The following TTC27 variants were observed in gnomAD, a reference collection of about 807,000 sequenced individuals.
TTC27 encodes the protein tetratricopeptide repeat protein 27.
A neutral mutation model predicts 115.9 loss-of-function variants in TTC27; 79 were observed. The ratio of observed to expected loss-of-function variants is 0.68; its 90% CI spans 0.57 to 0.82. The LOEUF is 0.82. TTC27 is among the 40% of genes least tolerant of loss of function. The probability of loss-of-function intolerance (pLI) is 0.00; values close to 1 mark genes in which losing one functional copy is unlikely to be tolerated. For missense variants in TTC27, 1,054 were observed against 993.1 expected (o/e 1.06, Z -0.82); for synonymous variants, 401 against 356.0 (o/e 1.13, Z -1.42).
intron 16 of TTC27, among the ~76,000 whole-genome samples, chr2:32,794,194 T>C (rs1670627906): frequency 2.0e-5 from 3 of 152,154 alleles, no homozygotes; most frequent in African/African-American, 4.8e-5. Context: ...AGAGACAATA[T>C]GATAGATCGC....
intron 3 of TTC27, 40 bp downstream of exon 3, chr2:32,634,045 T>C: frequency 1.3e-6 from 2 of 1,572,908 alleles, no homozygotes; most frequent in Non-Finnish European, 8.6e-7. Context: ...TATTATTATG[T>C]TATTTATTTT....
chr2:32,678,855 G>A lies in TTC27; in HGVS notation c.1053-1G>A, dbSNP rs1666320848. The A allele has an allele frequency of 6.2e-7, 1 of 1,604,674 alleles. No individual in the cohort carries two copies. The highest frequency in any genetic ancestry group is 8.5e-7 in the Non-Finnish European group (1 of 1,175,100). On this transcript the variant is annotated splice_acceptor_variant, in intron 8 of 19. Transcript: ENST00000317907. LOFTEE classifies it high-confidence loss of function. The stretch of plus-strand genomic sequence containing the variant: ...ATTTACCTTTTTTTCTTAATTTAAA[G>A]CACTAATTTTCAAAAGAATAACCCA...
chr2:32,695,615 A>G (rs1382917791), intron 9 of TTC27, among the ~76,000 whole-genome samples: 1 of 147,052 alleles, frequency 6.8e-6, no homozygotes, highest in Non-Finnish European at 1.5e-5. Context: ...GCTACTCGGG[A>G]GGCTGAGACA....
In TTC27 at chr2:32,763,118, G is replaced by T. The variant is rs1470121807; in HGVS notation, c.1680+4599G>T. On this transcript the variant is annotated intron_variant, in intron 13 of 19. Coordinates refer to ENST00000317907, the MANE Select transcript of TTC27 (RefSeq NM_017735.5). ...GACAATTGCTCAAAGCAGAGTCACA[G>T]TATAAACAGATGTTATGTGAAAATA... 4.6e-5 allele frequency among the ~76,000 whole-genome samples: 7 copies of T among 152,334 alleles called. No homozygotes were observed. The East Asian group carries it at 1.3e-3, about 29-fold the overall frequency.
At position 32,817,454 on chromosome 2, in the gene TTC27, C is replaced by CATA. The variant is rs1294402360; in HGVS notation, c.2309-2_2309-1insTAA. On this transcript the variant is annotated splice_region_variant and splice_polypyrimidine_tract_variant and intron_variant, in intron 18 of 19. Coordinates refer to ENST00000317907, the MANE Select transcript of TTC27 (RefSeq NM_017735.5). Reference sequence around the variant, plus strand: ...GATGTTTCTCTCCATACTTATCTTCCAGTGGCCATAAAATGCAGTAAAAAC... The same window carrying CATA: ...GATGTTTCTCTCCATACTTATCTTCCATAAGTGGCCATAAAATGCAGTAAAAAC... 7 of 1,612,116 alleles carry CATA rather than the reference C, an allele frequency of 4.3e-6. No individual in the cohort carries two copies. Among genetic ancestry groups the CATA allele is most frequent in the Non-Finnish European group, 5.9e-6 (7 of 1,178,368 alleles).
At chr2:32,814,831 C>T (rs1049350013) in intron 18 of TTC27, among the ~76,000 whole-genome samples, 1 of 152,156 alleles carries the variant, frequency 6.6e-6, no homozygotes, top group Non-Finnish European at 1.5e-5. Flanking sequence ...TGTGTAAGTA[C>T]ACCCTATGAT....
At chr2:32,674,812 A>G (rs1666139656) in intron 8 of TTC27, among the ~76,000 whole-genome samples, 1 of 151,776 alleles carries the variant, frequency 6.6e-6, no homozygotes. Flanking sequence ...GGCGCCCACC[A>G]CCACAGCTGG....
intron 10 of TTC27, among the ~76,000 whole-genome samples, chr2:32,731,949 G>T (rs1432593465): frequency 6.6e-6 from 1 of 152,158 alleles, no homozygotes; most frequent in Non-Finnish European, 1.5e-5. Context: ...CAACAACCAT[G>T]AGTTTTTTGA....
chr2:32,802,360 T>A (rs1180980340), intron 16 of TTC27, among the ~76,000 whole-genome samples: 12 of 152,234 alleles, frequency 7.9e-5, no homozygotes, highest in Admixed American at 7.8e-4. Context: ...ACCTAGTTTT[T>A]AAAAGTTACC....
chr2:32,755,267 C>T (rs1161420890), intron 12 of TTC27, among the ~76,000 whole-genome samples: 10 of 152,164 alleles, frequency 6.6e-5, no homozygotes, highest in Admixed American at 5.2e-4. Flanking sequence ...GCCAAGATCA[C>T]GCCACTGCAC....
At chr2:32,666,542 T>C (rs1665782738) in intron 6 of TTC27, 93 bp from the exon 7 acceptor site, 1 of 1,312,280 alleles carries the variant, frequency 7.6e-7, no homozygotes, top group South Asian at 2.0e-5. Flanking sequence ...AAATACCTTG[T>C]AAACTCTAAA....
At chr2:32,706,127 G>A (rs978059679) in intron 10 of TTC27, among the ~76,000 whole-genome samples, 6 of 109,758 alleles carry the variant, frequency 5.5e-5, no homozygotes, top group African/African-American at 2.1e-4. Context: ...TTGTCACCCA[G>A]ACTGGAGTGC....
At chr2:32,659,709 C>T (rs985702612) in intron 5 of TTC27, among the ~76,000 whole-genome samples, 4 of 152,074 alleles carry the variant, frequency 2.6e-5, no homozygotes, top group Non-Finnish European at 5.9e-5. Context: ...TGTTCTCCTC[C>T]CTGTGTCCAT....
At chr2:32,814,755 G>A (rs1236108581) in intron 18 of TTC27, among the ~76,000 whole-genome samples, 2 of 152,186 alleles carry the variant, frequency 1.3e-5, no homozygotes, top group African/African-American at 4.8e-5. Context: ...GTACAGGGTT[G>A]TAGCCTAGGA....
chr2:32,734,515 C>T (rs556628685), intron 11 of TTC27, among the ~76,000 whole-genome samples: 10 of 152,342 alleles, frequency 6.6e-5, no homozygotes, highest in African/African-American at 2.4e-4. Flanking sequence ...CTACTCTCCT[C>T]TTTCTGAGGC....
chr2:32,782,540 C>A, intron 14 of TTC27, 86 bp from the exon 15 acceptor site: 2 of 1,166,748 alleles, frequency 1.7e-6, no homozygotes, highest in Non-Finnish European at 2.5e-6. Flanking sequence ...ATATATTGGA[C>A]TAGGAGAGTG....
At chr2:32,810,132 GGT>G (rs1320269665) in intron 16 of TTC27, among the ~76,000 whole-genome samples, 2 of 132,702 alleles carry the variant, frequency 1.5e-5, no homozygotes, top group African/African-American at 2.9e-5. Context: ...AAAAAAAAAT[GGT>G]GAGCCAACCT....
At chr2:32,753,025 T>C (rs1439335457) in intron 12 of TTC27, among the ~76,000 whole-genome samples, 4 of 152,142 alleles carry the variant, frequency 2.6e-5, no homozygotes, top group Non-Finnish European at 5.9e-5. Flanking sequence ...TTAGGAAGGG[T>C]TTGACTGAGC....
At chr2:32,748,354 A>G (rs954403516) in intron 12 of TTC27, among the ~76,000 whole-genome samples, 1 of 152,166 alleles carries the variant, frequency 6.6e-6, no homozygotes, top group African/African-American at 2.4e-5. Context: ...GGCCTGTCGT[A>G]TAGTATATCC....
Sources: gnomAD v4.1 joint callset for allele counts (sites outside exome capture counted in the v4.1 genomes callset) on GRCh38, gnomAD v4.1.1 for gene constraint, MANE v1.5 for transcripts, NCBI Gene and HGNC (gene_info 2026-07-23, HGNC 2026-07-21) for gene names.